Variants in TRMT10B observed in about 807,000 individuals in gnomAD.
The protein encoded by TRMT10B is tRNA methyltransferase 10 homolog B.
In TRMT10B, 33 loss-of-function variants were observed where a neutral mutation model predicts 43.8. The observed-to-expected ratio is 0.75, with a 90% CI of 0.57 to 1.01. The LOEUF is 1.01. Among genes scored for constraint, TRMT10B ranks in the 50% least tolerant of loss-of-function variants. The pLI is 0.00. For missense variants in TRMT10B, 362 were observed against 369.8 expected, an observed-to-expected ratio of 0.98 and a Z score of 0.17; for synonymous variants, 137 against 130.6, an observed-to-expected ratio of 1.05 and a Z score of -0.34.
rs140302953 is a variant in TRMT10B, at chr9:37,773,573, C to T, written c.721-2709C>T. On this transcript the variant is annotated intron_variant, in intron 7 of 8. Transcript: ENST00000297994. ...AGTTAGGGTCGGGCGTGGTGGCTCA[C>T]GCCTATAATCCCAGCCCTTTGGGAG... Among the ~76,000 whole-genome samples, 1,135 of 152,284 alleles carry T rather than the reference C, an allele frequency of 7.5e-3. 21 individuals carry two copies. Among genetic ancestry groups the T allele is most frequent in the African/African-American group, 0.026 (1,082 of 41,552 alleles).
intron 4 of TRMT10B, among the ~76,000 whole-genome samples, 194 bp from the exon 5 acceptor site, chr9:37,767,882 T>C (rs1021880875): frequency 6.6e-6 from 1 of 152,192 alleles, no homozygotes; most frequent in African/African-American, 2.4e-5. Context: ...ACTACCTCAC[T>C]GTTTCTGGAC....
In TRMT10B at chr9:37,768,167, C is replaced by T; in HGVS notation, c.512C>T (p.Thr171Ile). Residue 171 changes from threonine to isoleucine, a missense_variant, in exon 5 of 9, where the codon ACA becomes ATA. By Grantham distance (89) the Thr-to-Ile change is moderately conservative (BLOSUM62 -1). Coordinates refer to ENST00000297994, the MANE Select transcript of TRMT10B (RefSeq NM_144964.4). ...RPFWICLTGF[T>I]TDSPLYEECV... ...TTTTGGATCTGCCTCACTGGATTCA[C>T]AACAGACAGTCCCCTTTATGAAGAG... 4 of 1,614,176 alleles carry T rather than the reference C, an allele frequency of 2.5e-6. No individual in the cohort carries two copies. The highest frequency in any genetic ancestry group is 3.4e-6 in the Non-Finnish European group (4 of 1,180,016).
At chr9:37,762,211 G>GA in intron 2 of TRMT10B, 94 bp downstream of exon 2, 1 of 1,332,964 alleles carries the variant, frequency 7.5e-7, no homozygotes, top group Non-Finnish European at 1.0e-6. Flanking sequence ...TGAAAAGAGA[G>GA]ACGGAATGAG....
At chr9:37,772,247 A>C (rs931957136) in intron 7 of TRMT10B, among the ~76,000 whole-genome samples, 1 of 152,088 alleles carries the variant, frequency 6.6e-6, no homozygotes, top group Admixed American at 6.6e-5. Flanking sequence ...TCCTGGACTC[A>C]AGCAATCTAC....
At chr9:37,757,841 C>T (rs1461870514) in intron 1 of TRMT10B, among the ~76,000 whole-genome samples, 2 of 152,174 alleles carry the variant, frequency 1.3e-5, no homozygotes, top group African/African-American at 4.8e-5. Flanking sequence ...AGACTTAAAT[C>T]CTCTAGCTAT....
At chr9:37,760,515 C>G (rs766523133) in intron 1 of TRMT10B, among the ~76,000 whole-genome samples, 1 of 152,116 alleles carries the variant, frequency 6.6e-6, no homozygotes, top group Non-Finnish European at 1.5e-5. Flanking sequence ...GAGACCCTGT[C>G]TCAAAAATAG....
At chr9:37,756,840 A>ATG (rs547557586) in intron 1 of TRMT10B, among the ~76,000 whole-genome samples, 24 of 150,888 alleles carry the variant, frequency 1.6e-4, no homozygotes, top group Non-Finnish European at 2.8e-4. Flanking sequence ...GTGTGTATGT[A>ATG]TGTGTGTATA....
chr9:37,761,052 C>A (rs1189948025), intron 1 of TRMT10B, among the ~76,000 whole-genome samples: 1 of 152,160 alleles, frequency 6.6e-6, no homozygotes, highest in African/African-American at 2.4e-5. Context: ...TGGTATTCAA[C>A]TGAGTTGGAG....
rs192326390 is a variant in TRMT10B, at chr9:37,767,195, A to G, written c.421-881A>G. On this transcript the variant is annotated intron_variant, in intron 4 of 8. Coordinates refer to ENST00000297994, the MANE Select transcript of TRMT10B (RefSeq NM_144964.4). Reference sequence around the variant, plus strand: ...GTTCCTACCTGAAACTTCTAACTCTAGTCCTCTGAAAATGTTAACCAAGAA... The same window carrying G: ...GTTCCTACCTGAAACTTCTAACTCTGGTCCTCTGAAAATGTTAACCAAGAA... 301 of 152,272 alleles carry G rather than the reference A, an allele frequency of 2.0e-3. 1 individual carries two copies. Among genetic ancestry groups the G allele is most frequent in the African/African-American group, 6.7e-3 (279 of 41,532 alleles). The allele number at this position is 152,272 out of a possible 1,614,324, so 9.4% of individuals were successfully genotyped here.
At chr9:37,756,294 CATTT>C (rs1825663763) in intron 1 of TRMT10B, among the ~76,000 whole-genome samples, 1 of 152,088 alleles carries the variant, frequency 6.6e-6, no homozygotes, top group African/African-American at 2.4e-5. Flanking sequence ...TTAATGTTTT[CATTT>C]GTTATTTTCT....
At position 37,761,235 on chromosome 9, in the gene TRMT10B, C is replaced by T. The variant is rs545875546; in HGVS notation, c.-29-668C>T. On this transcript the variant is annotated intron_variant, in intron 1 of 8. Transcript: ENST00000297994. ...CTAAAGGAACAATTTTGAAAATAAACTGGTTGAAACATAATGGGGGAGGTG... is the reference window on the plus strand; with the variant it reads ...CTAAAGGAACAATTTTGAAAATAAATTGGTTGAAACATAATGGGGGAGGTG... Among the ~76,000 whole-genome samples, 4 of 152,276 alleles carry T rather than the reference C, an allele frequency of 2.6e-5. No homozygotes were observed. The East Asian group carries it at 7.7e-4, about 29-fold the overall frequency.
rs548166660 is a variant in TRMT10B, at chr9:37,776,324, G to A, written c.763G>A (p.Ala255Thr). The A allele has an allele frequency of 9.9e-6, 16 of 1,610,312 alleles. No individual in the cohort carries two copies. Among genetic ancestry groups the A allele is most frequent in the East Asian group, 4.5e-5 (2 of 44,524 alleles). ...QKAREYSVKTARLPIQEYMVR... is the reference protein window; with the variant it reads ...QKAREYSVKTTRLPIQEYMVR... ...GGCCCGGGAATACTCTGTCAAGACC[G>A]CACGCTTGCCAATCCAGGAATACAT... The change falls in exon 8 of 9, where the codon GCA (alanine) becomes ACA (threonine). Residue 255 changes from alanine (A) to threonine (T), a missense_variant. By Grantham distance (58) the Ala-to-Thr change is moderately conservative (BLOSUM62 0). Coordinates refer to ENST00000297994, the MANE Select transcript of TRMT10B (RefSeq NM_144964.4).
intron 4 of TRMT10B, among the ~76,000 whole-genome samples, chr9:37,766,077 GT>G (rs1305515395): frequency 2.0e-5 from 3 of 152,130 alleles, no homozygotes; most frequent in Admixed American, 1.3e-4. Context: ...AAGCTCTTTA[GT>G]TGAATTAGAT....
chr9:37,767,909 T>C (rs1827164026), intron 4 of TRMT10B, among the ~76,000 whole-genome samples, 167 bp from the exon 5 acceptor site: 1 of 152,222 alleles, frequency 6.6e-6, no homozygotes, highest in African/African-American at 2.4e-5. Context: ...CATTATCTTT[T>C]GTCTGTAAGG....
chr9:37,773,390 G>C (rs946386412), intron 7 of TRMT10B, among the ~76,000 whole-genome samples: 1 of 151,872 alleles, frequency 6.6e-6, no homozygotes, highest in Non-Finnish European at 1.5e-5. Context: ...CAAAACACTG[G>C]GATTACAGGC....
In TRMT10B at chr9:37,777,595, TAACA is replaced by T. The variant is rs1828318540; in HGVS notation, c.845-5_845-2del. On this transcript the variant is annotated splice_acceptor_variant and splice_polypyrimidine_tract_variant and intron_variant, in intron 8 of 8. Coordinates refer to ENST00000297994, the MANE Select transcript of TRMT10B (RefSeq NM_144964.4). LOFTEE classifies it high-confidence loss of function. ...GTCACTGTGTTTTCTGTTTACTCTC[TAACA>T]GTGTTTGATATCCTGTCCACTTACT... 1.9e-6 allele frequency: 3 copies of T among 1,607,182 alleles called. No individual in the cohort carries two copies. Among genetic ancestry groups the T allele is most frequent in the African/African-American group, 1.3e-5 (1 of 74,766 alleles).
rs1199405101 is a variant in TRMT10B at position 37,777,915 on chromosome 9, G to C, written c.*208G>C. ...AGCTACTTGGGAGGCTGAGGCAGGA[G>C]AATCACTTGAACTCGGGAGGCGAAG... On this transcript the variant is annotated 3_prime_UTR_variant, in exon 9 of 9. Transcript: ENST00000297994. The C allele has an allele frequency of 2.4e-6, 1 of 416,458 alleles. No individual in the cohort carries two copies. The highest frequency in any genetic ancestry group is 5.0e-5 in the East Asian group (1 of 19,802). The allele number at this position is 416,458 out of a possible 1,614,324, so 25.8% of individuals were successfully genotyped here.
intron 7 of TRMT10B, among the ~76,000 whole-genome samples, chr9:37,774,776 A>G (rs765343716): frequency 6.6e-6 from 1 of 152,238 alleles, no homozygotes; most frequent in Non-Finnish European, 1.5e-5. Flanking sequence ...CCGAAAAGGT[A>G]CTAGGTCCAC....
Position 37,762,016 on chromosome 9 carries a change from G to A in TRMT10B, c.85G>A (p.Glu29Lys), listed in dbSNP as rs1826390655. ...AGAAGGCATCCTAGAGGAGACAGGT[G>A]AAGATGGACTTCCTGAAGGCTTCCA... is the stretch of plus-strand genomic sequence containing the variant. ...GQEGILEETG[E>K]DGLPEGFQLL... Residue 29 changes from glutamate (E) to lysine (K), a missense_variant, in exon 2 of 9, where the codon GAA (glutamate) becomes AAA (lysine). Coordinates refer to ENST00000297994, the MANE Select transcript of TRMT10B (RefSeq NM_144964.4). The A allele has an allele frequency of 1.2e-6, 2 of 1,614,136 alleles. No individual in the cohort carries two copies. The highest frequency in any genetic ancestry group is 1.3e-5 in the African/African-American group (1 of 75,046).
Sources: allele counts gnomAD v4.1 joint callset (sites outside exome capture counted in the v4.1 genomes callset), GRCh38; gene constraint gnomAD v4.1.1; transcripts MANE v1.5; gene names NCBI Gene and HGNC (gene_info 2026-07-23, HGNC 2026-07-21).